PLXND1: variants seen among roughly 807,000 people sequenced by gnomAD.
The protein encoded by PLXND1 is plexin-D1.
Under a neutral mutation model 197.7 loss-of-function variants are expected in PLXND1, and 54 were observed. The observed-to-expected ratio is 0.27, with a 90% confidence interval of 0.22 to 0.34. The LOEUF is 0.34. Among genes scored for constraint, PLXND1 ranks in the 10% least tolerant of loss-of-function variants. The pLI is 1.00. For synonymous variants in PLXND1, 1,180 were observed against 1,161.2 expected, an observed-to-expected ratio of 1.02 and a Z score of -0.33; for missense variants, 2,127 against 2,699.2, an observed-to-expected ratio of 0.79 and a Z score of 4.70.
intron 2 of PLXND1, 43 bp downstream of exon 2, chr3:129,589,308 C>CCAG: frequency 6.4e-6 from 4 of 628,604 alleles, no homozygotes; most frequent in Non-Finnish European, 1.2e-5. Flanking sequence ...CCCAGGGGAG[C>CCAG]CTCCCACCCC....
At position 129,573,719 on chromosome 3, in the gene PLXND1, G is replaced by A. The variant is rs57901044; in HGVS notation, c.2712C>T (p.Asp904=). ...HAIEPLSGPL[D]GGTLLTIRGR... ...CTCGGATGGTCAGCAGGGTCCCACC[G>A]TCCAACGGGCCACTCAGGGGCTCAA... is the stretch of plus-strand genomic sequence containing the variant. The change falls in exon 13 of 36, where the codon GAC becomes GAT. Residue 904 remains aspartate, a synonymous_variant. Transcript: ENST00000324093. 4,349 of 1,613,552 alleles carry A rather than the reference G, an allele frequency of 2.7e-3. 91 individuals are homozygous for A. The African/African-American group carries it at 0.046, about 17-fold the overall frequency.
rs138452605 is a variant in PLXND1, at chr3:129,595,921, G to GCGCACA, written c.1312-6395_1312-6394insTGTGCG. Among the ~76,000 whole-genome samples the GCGCACA allele has an allele frequency of 4.5e-4, 66 of 146,514 alleles. 1 individual carries two copies. In the East Asian group the frequency reaches 5.4e-3, roughly 12 times the overall value. On this transcript the variant is annotated intron_variant, in intron 1 of 35. Coordinates refer to ENST00000324093, the MANE Select transcript of PLXND1 (RefSeq NM_015103.3). ...CTTACAGCCCTGGGGGTGCACGCAC[G>GCGCACA]CACACACACACACACACACACACAC... is the stretch of plus-strand genomic sequence containing the variant.
Position 129,571,289 on chromosome 3 carries a change from G to A in PLXND1, c.3351C>T (p.Leu1117=), listed in dbSNP as rs1186479465. Residue 1117 remains leucine, a synonymous_variant, in exon 18 of 36, where the codon CTC becomes CTT. Transcript: ENST00000324093. The stretch of plus-strand genomic sequence containing the variant: ...ACGGGCAGGTGATGAGGGTGGAGTT[G>A]AGAACCTTGCAGAGCTGGTGCAGGA... ...IGREPTLCKV[L]NSTLITCPSP... The A allele has an allele frequency of 6.8e-6, 11 of 1,613,108 alleles. No individual in the cohort carries two copies. The highest frequency in any genetic ancestry group is 3.3e-5 in the South Asian group (3 of 91,048).
intron 2 of PLXND1, among the ~76,000 whole-genome samples, chr3:129,587,185 C>T (rs758767375): frequency 1.3e-5 from 2 of 152,152 alleles, no homozygotes; most frequent in Non-Finnish European, 2.9e-5. Context: ...GGGTCAGGCC[C>T]GGGGAAGCTG....
chr3:129,602,170 T>G (rs1231554116), intron 1 of PLXND1, among the ~76,000 whole-genome samples: 1 of 152,212 alleles, frequency 6.6e-6, no homozygotes, highest in Non-Finnish European at 1.5e-5. Flanking sequence ...ATTCCCCTTC[T>G]GCAGCGGGGA....
At chr3:129,589,320 A>ACCCCC in intron 2 of PLXND1, 31 bp downstream of exon 2, 2 of 343,180 alleles carry the variant, frequency 5.8e-6, no homozygotes, top group Admixed American at 3.6e-5. Context: ...TCCCACCCCC[A>ACCCCC]CCCCCTCCCC....
At position 129,557,321 on chromosome 3, in the gene PLXND1, A is replaced by C; in HGVS notation, c.5446-98T>G. On this transcript the variant is annotated intron_variant, in intron 33 of 35. Coordinates refer to ENST00000324093, the MANE Select transcript of PLXND1 (RefSeq NM_015103.3). This position sits in a 1 kb window ranked among gnomAD's most constrained non-coding sequence, Gnocchi z 4.8. ...CCTCATCCCTCCTGCCACATAAGTG[A>C]CCTTAGCAGGCCCCCGAGGCCCAAA... 1 of 1,394,388 alleles carries C rather than the reference A, an allele frequency of 7.2e-7. No individual in the cohort carries two copies. Among genetic ancestry groups the C allele is most frequent in the Non-Finnish European group, 1.0e-6 (1 of 1,000,774 alleles). 86.4% of individuals were successfully genotyped at this position (1,394,388 alleles called of 1,614,324 possible). A position where few individuals can be genotyped will look rare whatever the true frequency, so the allele number is the denominator to read the frequency against.
At chr3:129,561,418 C>G (rs73863114) in intron 29 of PLXND1, among the ~76,000 whole-genome samples, 1 of 152,112 alleles carries the variant, frequency 6.6e-6, no homozygotes, top group Non-Finnish European at 1.5e-5. Flanking sequence ...CCCGCCCTCC[C>G]GGGGCCTCTC....
Position 129,589,565 on chromosome 3 carries a change from A to G in PLXND1, c.1312-38T>C, listed in dbSNP as rs369624343. On this transcript the variant is annotated intron_variant, in intron 1 of 35. Coordinates refer to ENST00000324093, the MANE Select transcript of PLXND1 (RefSeq NM_015103.3). ...CGGCACGTCAGATCCCAGCTCCAGAACCTTCTCCGGCTCCCCGCCCGCACA... is the reference window on the plus strand; with the variant it reads ...CGGCACGTCAGATCCCAGCTCCAGAGCCTTCTCCGGCTCCCCGCCCGCACA... 4.2e-4 allele frequency: 638 copies of G among 1,507,816 alleles called. 1 individual carries two copies. The highest frequency in any genetic ancestry group is 5.4e-4 in the Non-Finnish European group (612 of 1,128,074). 93.4% of individuals were successfully genotyped at this position (1,507,816 alleles called of 1,614,324 possible). A position where few individuals can be genotyped will look rare whatever the true frequency, so the allele number is the denominator to read the frequency against.
intron 8 of PLXND1, 50 bp downstream of exon 8, chr3:129,583,517 A>C: frequency 8.4e-7 from 1 of 1,192,220 alleles, no homozygotes; most frequent in Non-Finnish European, 1.2e-6. Flanking sequence ...GAATTTTTTA[A>C]AAAAGGTAAT....
chr3:129,587,058 C>T (rs925907140), intron 2 of PLXND1, among the ~76,000 whole-genome samples: 4 of 152,204 alleles, frequency 2.6e-5, no homozygotes, highest in African/African-American at 4.8e-5. Flanking sequence ...GGCTTTGACA[C>T]TGAGGAGCTC....
At chr3:129,559,394 G>C (rs944777325) in intron 32 of PLXND1, 3 of 482,834 alleles carry the variant, frequency 6.2e-6, no homozygotes, top group Non-Finnish European at 7.3e-6. Flanking sequence ...CCATGCTTCT[G>C]GGCACTCTTC....
chr3:129,590,492 C>A (rs750524467), intron 1 of PLXND1, among the ~76,000 whole-genome samples: 1 of 152,166 alleles, frequency 6.6e-6, no homozygotes, highest in African/African-American at 2.4e-5. Context: ...AGGGGACACA[C>A]ACATGTGTCG....
In PLXND1 at chr3:129,574,347, C is replaced by T. The variant is rs1021350900; in HGVS notation, c.2674G>A (p.Glu892Lys). Residue 892 changes from glutamate (E) to lysine (K), a missense_variant, in exon 12 of 36, where the codon GAG (glutamate) becomes AAG (lysine). Physicochemically the swap from Glu to Lys is moderately conservative, Grantham distance 56. Coordinates refer to ENST00000324093, the MANE Select transcript of PLXND1 (RefSeq NM_015103.3). ...CTGGGCATGCTTACCGCGTGGATCTCGGGGGCGGGGCAGGTGCCAGCCATG... is the reference window on the plus strand; with the variant it reads ...CTGGGCATGCTTACCGCGTGGATCTTGGGGGCGGGGCAGGTGCCAGCCATG... Reference protein sequence around the residue: ...QPMAGTCPAPEIHAIEPLSGP... With the variant: ...QPMAGTCPAPKIHAIEPLSGP... 26 of 1,604,128 alleles carry T rather than the reference C, an allele frequency of 1.6e-5. No homozygotes were observed. Among genetic ancestry groups the T allele is most frequent in the African/African-American group, 2.7e-5 (2 of 74,686 alleles).
chr3:129,595,117 G>A (rs2085601461), intron 1 of PLXND1, among the ~76,000 whole-genome samples: 1 of 152,214 alleles, frequency 6.6e-6, no homozygotes, highest in Non-Finnish European at 1.5e-5. Flanking sequence ...TGTGGCACGG[G>A]CTCAGTGGTG....
chr3:129,578,523 T>A, intron 8 of PLXND1, 90 bp from the exon 9 acceptor site: 3 of 746,186 alleles, frequency 4.0e-6, no homozygotes, highest in Non-Finnish European at 4.5e-6. Context: ...CCTGGTTCAG[T>A]CCTGCCTTCC....
In PLXND1 at chr3:129,571,253, G is replaced by A; in HGVS notation, c.3387C>T (p.Ala1129=). Residue 1129 remains alanine, a synonymous_variant, in exon 18 of 36, where the codon GCC becomes GCT. Transcript: ENST00000324093. Reference sequence around the variant, plus strand: ...CCACTGGCGCTGATGCGTTGCTCAGGGCCCCGGGGGACGGGCAGGTGATGA... The same window carrying A: ...CCACTGGCGCTGATGCGTTGCTCAGAGCCCCGGGGGACGGGCAGGTGATGA... The part of the protein sequence containing the change: ...STLITCPSPG[A]LSNASAPVDF... 2 of 1,613,904 alleles carry A rather than the reference G, an allele frequency of 1.2e-6. No individual in the cohort carries two copies. The highest frequency in any genetic ancestry group is 1.3e-5 in the African/African-American group (1 of 75,062).
At chr3:129,591,828 T>G (rs541473467) in intron 1 of PLXND1, among the ~76,000 whole-genome samples, 18 of 152,180 alleles carry the variant, frequency 1.2e-4, no homozygotes, top group Non-Finnish European at 1.8e-4. Context: ...TGACATTTCC[T>G]ATCTGCTAAC....
At chr3:129,602,784 G>A (rs933287423) in intron 1 of PLXND1, among the ~76,000 whole-genome samples, 1 of 152,138 alleles carries the variant, frequency 6.6e-6, no homozygotes, top group African/African-American at 2.4e-5. Context: ...TCTGCTTGGT[G>A]CTTACTGTGT....
Sources: gnomAD v4.1 joint callset for allele counts (sites outside exome capture counted in the v4.1 genomes callset) on GRCh38, gnomAD v4.1.1 for gene constraint, Gnocchi (gnomAD v3.1) non-coding constraint, MANE v1.5 for transcripts, NCBI Gene and HGNC (gene_info 2026-07-23, HGNC 2026-07-21) for gene names.